Variants in PLD1 observed in about 807,000 individuals in gnomAD.
PLD1 encodes phospholipase D1, also known as choline phosphatase 1.
In PLD1, 112 loss-of-function variants were observed where a neutral mutation model predicts 137.1. The ratio of observed to expected loss-of-function variants is 0.82; its 90% CI spans 0.70 to 0.96. PLD1 has a LOEUF of 0.96. Among genes scored for constraint, PLD1 ranks in the 40% least tolerant of loss-of-function variants. PLD1 has a pLI of 0.00. For missense variants in PLD1, 1,321 were observed against 1,342.0 expected (o/e 0.98, Z 0.24); for synonymous variants, 431 against 454.7 (o/e 0.95, Z 0.66).
At chr3:171,776,789 A>T (rs1397723056) in intron 1 of PLD1, among the ~76,000 whole-genome samples, 2 of 152,188 alleles carry the variant, frequency 1.3e-5, no homozygotes, top group Non-Finnish European at 2.9e-5. Context: ...ATTGCTCTGA[A>T]ATCTATTCTA....
intron 23 of PLD1, among the ~76,000 whole-genome samples, chr3:171,625,601 C>G (rs376217285): frequency 6.6e-6 from 1 of 152,334 alleles, no homozygotes; most frequent in East Asian, 1.9e-4. Context: ...GAGGCACCCC[C>G]CCGTAGGTGC....
intron 1 of PLD1, among the ~76,000 whole-genome samples, chr3:171,808,228 T>C (rs557277154): frequency 6.6e-6 from 1 of 151,720 alleles, no homozygotes; most frequent in East Asian, 1.9e-4. Flanking sequence ...TAAAATAAAA[T>C]TTCAAATTAT....
chr3:171,644,992 T>A lies in PLD1; in HGVS notation c.2461A>T (p.Ile821Leu), dbSNP rs2108380928. The A allele has an allele frequency of 1.2e-6, 2 of 1,613,724 alleles. No individual in the cohort carries two copies. Among genetic ancestry groups the A allele is most frequent in the Non-Finnish European group, 8.5e-7 (1 of 1,179,594 alleles). ...CCTTCGAACCCTGGCAGAAGTGGTA[T>A]CACGACATATACCCGGTATTTCTGG... ...ENQKYRVYVV[I>L]PLLPGFEGDI... Residue 821 changes from isoleucine to leucine, a missense_variant, in exon 22 of 27, where the codon ATA becomes TTA. Ile to Leu is a conservative substitution (Grantham distance 5). Coordinates refer to ENST00000351298, the MANE Select transcript of PLD1 (RefSeq NM_002662.5).
chr3:171,754,888 G>A (rs1720909193), intron 1 of PLD1, among the ~76,000 whole-genome samples: 2 of 152,108 alleles, frequency 1.3e-5, no homozygotes. Flanking sequence ...TGAGACAGCT[G>A]TGCAGGCAAC....
At position 171,720,293 on chromosome 3, in the gene PLD1, C is replaced by CAAAAAAAAAA. The variant is rs752618596; in HGVS notation, c.758+4393_758+4402dup. ...TTGGTGACAAGGTGAGACCCTGTCT[C>CAAAAAAAAAA]AAAAAAAAAAAAAAAAAAAAGGCCG... is the stretch of plus-strand genomic sequence containing the variant. On this transcript the variant is annotated intron_variant, in intron 8 of 26. Transcript: ENST00000351298. Among the ~76,000 whole-genome samples, 92 of 67,902 alleles carry CAAAAAAAAAA rather than the reference C, an allele frequency of 1.4e-3. 1 individual carries two copies. The highest frequency in any genetic ancestry group is 5.5e-3 in the African/African-American group (92 of 16,652). The allele number at this position is 67,902 out of a possible 152,430, so 44.5% of individuals were successfully genotyped here. A position where few individuals can be genotyped will look rare whatever the true frequency, so the allele number is the denominator to read the frequency against.
intron 14 of PLD1, 107 bp from the exon 15 acceptor site, chr3:171,687,691 C>G: frequency 2.8e-6 from 2 of 702,030 alleles, no homozygotes; most frequent in South Asian, 3.8e-5. Flanking sequence ...GATGGAGGTT[C>G]TATAACAGAC....
rs1180435478 is a variant in PLD1, at chr3:171,724,756, T to C, written c.698A>G (p.His233Arg). 1.2e-6 allele frequency: 2 copies of C among 1,610,490 alleles called. No individual in the cohort carries two copies. The highest frequency in any genetic ancestry group is 3.3e-5 in the Admixed American group (2 of 59,990). ...EGMIMKRSGG[H>R]RIPGLNCCGQ... The stretch of plus-strand genomic sequence containing the variant: ...ACAGCAATTCAAGCCTGGTATTCTG[T>C]GTCCTCCAGATCTTTTCATTATCAT... Residue 233 changes from histidine to arginine, a missense_variant, in exon 8 of 27, where the codon CAC becomes CGC. By Grantham distance (29) the His-to-Arg change is conservative. Transcript: ENST00000351298.
At chr3:171,808,814 A>ATTTT (rs1160060928) in intron 1 of PLD1, among the ~76,000 whole-genome samples, 3 of 78,296 alleles carry the variant, frequency 3.8e-5, no homozygotes, top group Non-Finnish European at 7.2e-5. Context: ...CTTAGCATTC[A>ATTTT]ATTTTTTTTT....
intron 23 of PLD1, among the ~76,000 whole-genome samples, chr3:171,629,885 C>T (rs1221281851): frequency 9.9e-5 from 15 of 151,782 alleles, no homozygotes; most frequent in Admixed American, 5.3e-4. Flanking sequence ...AAGACTTAAA[C>T]GTTAGACCTA....
At chr3:171,708,596 C>A (rs1282996094) in intron 11 of PLD1, among the ~76,000 whole-genome samples, 159 bp downstream of exon 11, 1 of 152,094 alleles carries the variant, frequency 6.6e-6, no homozygotes, top group Non-Finnish European at 1.5e-5. Flanking sequence ...TTTGAAAAGG[C>A]CTTTCACTGA....
chr3:171,653,586 G>A (rs1009822101), intron 21 of PLD1: 8 of 152,218 alleles, frequency 5.3e-5, no homozygotes, highest in African/African-American at 9.6e-5. Context: ...AGAAGTAGCC[G>A]TCCAATAATT....
At chr3:171,669,495 G>A (rs1173644930) in intron 19 of PLD1, among the ~76,000 whole-genome samples, 1 of 152,162 alleles carries the variant, frequency 6.6e-6, no homozygotes, top group African/African-American at 2.4e-5. Context: ...TCTGCCTCCT[G>A]GGTTCAAGCG....
At chr3:171,704,892 G>T (rs960863535) in intron 11 of PLD1, among the ~76,000 whole-genome samples, 2 of 152,192 alleles carry the variant, frequency 1.3e-5, no homozygotes, top group African/African-American at 4.8e-5. Context: ...AGATAGGCCA[G>T]CAGGCACCAG....
rs769623937 is a variant in PLD1 at position 171,674,616 on chromosome 3, A to C, written c.2116-3T>G. 3 of 1,376,910 alleles carry C rather than the reference A, an allele frequency of 2.2e-6. No individual in the cohort carries two copies. In the Admixed American group the frequency reaches 5.3e-5, roughly 24 times the overall value. The allele number at this position is 1,376,910 out of a possible 1,614,324, so 85.3% of individuals were successfully genotyped here. A position where few individuals can be genotyped will look rare whatever the true frequency, so the allele number is the denominator to read the frequency against. ...GACCGATATTTTGATTTCATAATCT[A>C]AAATAAAGAAAAAGGATAAAATATT... On this transcript the variant is annotated splice_polypyrimidine_tract_variant and splice_region_variant and intron_variant, in intron 18 of 26. Transcript: ENST00000351298.
intron 8 of PLD1, among the ~76,000 whole-genome samples, chr3:171,724,334 T>G (rs1190606849): frequency 1.3e-5 from 2 of 152,236 alleles, no homozygotes. Flanking sequence ...TCTTTGATTA[T>G]AGCCATCCTT....
Position 171,654,855 on chromosome 3 carries a change from G to C in PLD1, c.2429+4358C>G, listed in dbSNP as rs375977904. 7.2e-5 allele frequency among the ~76,000 whole-genome samples: 11 copies of C among 152,146 alleles called. No individual in the cohort carries two copies. In the South Asian group the frequency reaches 8.3e-4, roughly 11 times the overall value. On this transcript the variant is annotated intron_variant, in intron 21 of 26. Transcript: ENST00000351298. ...TCTGAGGTCAGCATGGGGTAAACAT[G>C]AGTCTGAGGCTCTAGGTCATGTCAG...
intron 19 of PLD1, among the ~76,000 whole-genome samples, chr3:171,670,571 G>A (rs1270416606): frequency 6.6e-6 from 1 of 152,146 alleles, no homozygotes; most frequent in African/African-American, 2.4e-5. Context: ...TATAGAAATA[G>A]CAGGTTTTCA....
intron 1 of PLD1, among the ~76,000 whole-genome samples, chr3:171,770,216 T>C (rs1400970882): frequency 6.6e-6 from 1 of 152,232 alleles, no homozygotes; most frequent in Non-Finnish European, 1.5e-5. Context: ...AATCCTCGGG[T>C]AATCTCGTAT....
chr3:171,791,399 G>A (rs1723206732), intron 1 of PLD1, among the ~76,000 whole-genome samples: 1 of 152,148 alleles, frequency 6.6e-6, no homozygotes, highest in Non-Finnish European at 1.5e-5. Context: ...AGGAGCACTG[G>A]GCTTTCTGGA....
Sources: allele counts gnomAD v4.1 joint callset (sites outside exome capture counted in the v4.1 genomes callset), GRCh38; gene constraint gnomAD v4.1.1; transcripts MANE v1.5; gene names NCBI Gene and HGNC (gene_info 2026-07-23, HGNC 2026-07-21).